LTBP2: variants seen among roughly 807,000 people sequenced by gnomAD.
LTBP2 encodes latent-transforming growth factor beta-binding protein 2.
Under a neutral mutation model 210.6 loss-of-function variants are expected in LTBP2, and 103 were observed. That is an observed-to-expected ratio of 0.49 (90% confidence interval 0.42 to 0.58). The LOEUF is 0.58. Among genes scored for constraint, LTBP2 ranks in the 20% least tolerant of loss-of-function variants. The pLI is 0.00. For synonymous variants in LTBP2, 1,007 were observed against 1,015.0 expected, an observed-to-expected ratio of 0.99 and a Z score of 0.15; for missense variants, 2,313 against 2,494.5, an observed-to-expected ratio of 0.93 and a Z score of 1.55.
chr14:74,603,765 GC>G, intron 1 of LTBP2, 60 bp from the exon 2 acceptor site: 2 of 1,429,502 alleles, frequency 1.4e-6, no homozygotes, highest in South Asian at 1.2e-5. Context: ...ACTATTCACA[GC>G]CCCTCCGACA....
intron 8 of LTBP2, among the ~76,000 whole-genome samples, chr14:74,546,687 C>A (rs754695476): frequency 6.6e-6 from 1 of 152,148 alleles, no homozygotes; most frequent in South Asian, 2.1e-4. Context: ...GGGTACAATT[C>A]GTGTTCTGCA....
rs747957071 is a variant in LTBP2, at chr14:74,532,445, T to C, written c.1968A>G (p.Pro656=). ...CTCRPGLMLD[P]SRSRCVSDKA... ...ACTCACACACACAGCGGCTCCGCGA[T>C]GGATCCAGCATGAGGCCAGGTCTGC... is the stretch of plus-strand genomic sequence containing the variant. Residue 656 remains proline (P), a synonymous_variant, in exon 10 of 36, where the codon CCA becomes CCG. Coordinates refer to ENST00000261978, the MANE Select transcript of LTBP2 (RefSeq NM_000428.3). The C allele has an allele frequency of 6.2e-7, 1 of 1,614,182 alleles. No individual in the cohort carries two copies. Among genetic ancestry groups the C allele is most frequent in the South Asian group, 1.1e-5 (1 of 91,082 alleles).
At chr14:74,526,038 C>A (rs1448881281) in intron 14 of LTBP2, 37 bp downstream of exon 14, 4 of 1,582,070 alleles carry the variant, frequency 2.5e-6, no homozygotes, top group Admixed American at 1.8e-5. Context: ...TCCCTCCCTT[C>A]TCTTTTGCCT....
chr14:74,510,089 A>G lies in LTBP2; in HGVS notation c.3151+2T>C, dbSNP rs1308617980. On this transcript the variant is annotated splice_donor_variant, in intron 20 of 35. Transcript: ENST00000261978. LOFTEE classifies it high-confidence loss of function. ...AGAAGGGGCGCTTCAGCATCTCTGT[A>G]CCTTGGCAGCCCTTCTCATCTGAGG... The G allele has an allele frequency of 6.2e-7, 1 of 1,614,010 alleles. No homozygotes were observed. Among genetic ancestry groups the G allele is most frequent in the African/African-American group, 1.3e-5 (1 of 75,034 alleles).
chr14:74,522,143 G>T (rs1454195232), intron 16 of LTBP2, 104 bp from the exon 17 acceptor site: 2 of 1,357,980 alleles, frequency 1.5e-6, no homozygotes, highest in Non-Finnish European at 2.0e-6. Flanking sequence ...AGGGGATGGT[G>T]CTGTGTGGCA....
intron 2 of LTBP2, among the ~76,000 whole-genome samples, chr14:74,595,968 G>A (rs1392297085): frequency 6.6e-6 from 1 of 152,086 alleles, no homozygotes; most frequent in Admixed American, 6.6e-5. Context: ...AGTCCGAGGC[G>A]GGTGGATCAC....
At chr14:74,596,102 G>A (rs2088356343) in intron 2 of LTBP2, among the ~76,000 whole-genome samples, 1 of 152,112 alleles carries the variant, frequency 6.6e-6, no homozygotes, top group Non-Finnish European at 1.5e-5. Context: ...GCACACACCT[G>A]TAATCCCAGC....
chr14:74,585,583 T>C (rs2088192437), intron 3 of LTBP2, among the ~76,000 whole-genome samples: 1 of 152,178 alleles, frequency 6.6e-6, no homozygotes, highest in Admixed American at 6.5e-5. Flanking sequence ...GTACACGCCC[T>C]CCTCAGCTTT....
chr14:74,562,974 G>T (rs1225064040), intron 3 of LTBP2, among the ~76,000 whole-genome samples: 1 of 152,064 alleles, frequency 6.6e-6, no homozygotes, highest in Non-Finnish European at 1.5e-5. Flanking sequence ...CCCCTTTCTG[G>T]CTTGTGTATC....
chr14:74,539,687 C>CAGAGGG (rs142351356), intron 8 of LTBP2, among the ~76,000 whole-genome samples: 8,985 of 151,942 alleles, frequency 0.059, 661 homozygotes, highest in African/African-American at 0.17. Context: ...GCCTGGGCAA[C>CAGAGGG]AGAGGGAGAC....
chr14:74,570,545 G>A (rs1009971937), intron 3 of LTBP2, among the ~76,000 whole-genome samples: 1 of 152,190 alleles, frequency 6.6e-6, no homozygotes, highest in Non-Finnish European at 1.5e-5. Context: ...GGGAACTAGG[G>A]CCCCAACCTG....
At chr14:74,506,880 C>CGCGCGCGCGCAT (rs1555347814) in intron 26 of LTBP2, 57 bp from the exon 27 acceptor site, 20 of 1,514,758 alleles carry the variant, frequency 1.3e-5, no homozygotes, top group South Asian at 1.2e-5. Flanking sequence ...TGTGTGTGTG[C>CGCGCGCGCGCAT]GCGCGCGCGT....
intron 3 of LTBP2, among the ~76,000 whole-genome samples, chr14:74,579,671 G>A (rs937277899): frequency 6.6e-6 from 1 of 152,208 alleles, no homozygotes; most frequent in Non-Finnish European, 1.5e-5. Flanking sequence ...TCCAACAAGA[G>A]CTGCCCTGGT....
At chr14:74,510,595 G>A (rs1014408306) in intron 19 of LTBP2, among the ~76,000 whole-genome samples, 19 of 152,326 alleles carry the variant, frequency 1.2e-4, no homozygotes, top group South Asian at 2.1e-4. Context: ...AACAACCCAC[G>A]ATCCCAACCC....
In LTBP2 at chr14:74,509,260, G is replaced by T; in HGVS notation, c.3381C>A (p.Ser1127Arg). 6.2e-7 allele frequency: 1 copy of T among 1,613,646 alleles called. No individual in the cohort carries two copies. The highest frequency in any genetic ancestry group is 1.1e-5 in the South Asian group (1 of 91,084). The change falls in exon 22 of 36, where the codon AGC (serine) becomes AGA (arginine). Residue 1127 changes from serine to arginine, a missense_variant. Ser to Arg is a moderately radical substitution (Grantham distance 110). Transcript: ENST00000261978. The part of the protein sequence containing the change: ...CKDCDGGYRP[S>R]PLGDSCEDVD... Reference sequence around the variant, plus strand: ...TACCTTCACAGGAGTCACCCAGGGGGCTGGGCCGGTAGCCCCCATCGCAGT... The same window carrying T: ...TACCTTCACAGGAGTCACCCAGGGGTCTGGGCCGGTAGCCCCCATCGCAGT...
intron 21 of LTBP2, 126 bp from the exon 22 acceptor site, chr14:74,509,489 C>T (rs181889323): frequency 5.0e-6 from 7 of 1,396,186 alleles, no homozygotes; most frequent in Non-Finnish European, 7.0e-6. Flanking sequence ...CCCTAGAACG[C>T]TCCCAGGACA....
intron 3 of LTBP2, among the ~76,000 whole-genome samples, chr14:74,580,001 T>C (rs2139781489): frequency 6.6e-6 from 1 of 152,306 alleles, no homozygotes; most frequent in South Asian, 2.1e-4. Flanking sequence ...CTGGAGAGAT[T>C]TCTGCCAAGA....
At chr14:74,585,792 A>G in intron 3 of LTBP2, 62 bp downstream of exon 3, 2 of 1,612,922 alleles carry the variant, frequency 1.2e-6, no homozygotes, top group East Asian at 2.2e-5. Flanking sequence ...GTCCAAAGGA[A>G]GAAGCCCCTC....
rs1484979526 is a variant in LTBP2, at chr14:74,585,993, T to C, written c.691A>G (p.Asn231Asp). 3.7e-6 allele frequency: 6 copies of C among 1,611,884 alleles called. No individual in the cohort carries two copies. The highest frequency in any genetic ancestry group is 5.1e-6 in the Non-Finnish European group (6 of 1,179,158). ...VIPDEEFDPQ[N>D]SRLAPRRWAE... The stretch of plus-strand genomic sequence containing the variant: ...CAGCGTCGAGGTGCCAGCCTGGAGT[T>C]CTGGGGGTCAAATTCCTCATCGGGA... The change falls in exon 3 of 36, where the codon AAC (asparagine) becomes GAC (aspartate). Residue 231 changes from asparagine to aspartate, a missense_variant. Physicochemically the swap from Asn to Asp is conservative, Grantham distance 23 (BLOSUM62 1). This residue lies in a region of LTBP2 where 1,867 missense variants were observed against 1,976.9 expected (regional missense o/e 0.94). Coordinates refer to ENST00000261978, the MANE Select transcript of LTBP2 (RefSeq NM_000428.3).
Sources: allele counts gnomAD v4.1 joint callset (sites outside exome capture counted in the v4.1 genomes callset), GRCh38; gene constraint gnomAD v4.1.1; regional missense constraint gnomAD v4.1.1; transcripts MANE v1.5; gene names NCBI Gene and HGNC (gene_info 2026-07-23, HGNC 2026-07-21).